SLF2: variants seen among roughly 807,000 people sequenced by gnomAD.
SLF2 encodes SMC5/6 complex localization factor 2, also known as SMC5-SMC6 complex localization factor protein 2.
SLF2 carries 68 observed loss-of-function variants against 124.3 expected under a neutral mutation model. That is an observed-to-expected ratio of 0.55 (90% CI 0.45 to 0.67). The LOEUF (loss-of-function observed/expected upper bound fraction) is 0.67. SLF2 is among the 30% of genes least tolerant of loss of function. The probability of loss-of-function intolerance (pLI) is 0.00; values close to 1 mark genes in which losing one functional copy is unlikely to be tolerated. For synonymous variants in SLF2, 480 were observed against 478.8 expected (o/e 1.00, Z -0.03); for missense variants, 1,246 against 1,373.7 (o/e 0.91, Z 1.47).
At chr10:100,930,916 A>G in intron 8 of SLF2, 60 bp from the exon 9 acceptor site, 2 of 1,239,496 alleles carry the variant, frequency 1.6e-6, no homozygotes, top group Non-Finnish European at 2.4e-6. Context: ...GTTGGTGGTG[A>G]TAGTAGAAGT....
intron 4 of SLF2, among the ~76,000 whole-genome samples, chr10:100,918,935 A>G (rs1442727475): frequency 1.3e-5 from 2 of 149,960 alleles, no homozygotes; most frequent in African/African-American, 4.9e-5. Flanking sequence ...AGTTCCTAAC[A>G]GTATGTTTCT....
In SLF2 at chr10:100,963,941, C is replaced by T. The variant is rs1038813700; in HGVS notation, c.*2029C>T. On this transcript the variant is annotated 3_prime_UTR_variant, in exon 20 of 20. Coordinates refer to ENST00000238961, the MANE Select transcript of SLF2 (RefSeq NM_018121.4). ...CTTTAGAAAAAAAATACTTCATGGT[C>T]CCTCTAAAATAAATGGCCAGACCTC... 6.6e-6 allele frequency: 1 copy of T among 152,478 alleles called. No homozygotes were observed. The highest frequency in any genetic ancestry group is 1.5e-5 in the Non-Finnish European group (1 of 67,992). 9.4% of individuals were successfully genotyped at this position (152,478 alleles called of 1,614,324 possible). A position where few individuals can be genotyped will look rare whatever the true frequency, so the allele number is the denominator to read the frequency against.
In SLF2 at chr10:100,912,969, G is replaced by A. The variant is rs531949246; in HGVS notation, c.-142G>A. The stretch of plus-strand genomic sequence containing the variant: ...TCCCGCTCACGCCGGAGTCACTTCC[G>A]AAGAGAGAACCGCCATGAAGAGAGA... On this transcript the variant is annotated 5_prime_UTR_variant, in exon 1 of 20. Transcript: ENST00000238961. 5 of 871,986 alleles carry A rather than the reference G, an allele frequency of 5.7e-6. No individual in the cohort carries two copies. Among genetic ancestry groups the A allele is most frequent in the South Asian group, 5.2e-5 (3 of 57,410 alleles). 54.0% of individuals were successfully genotyped at this position (871,986 alleles called of 1,614,324 possible).
chr10:100,960,399 G>A (rs1176076726), intron 19 of SLF2, among the ~76,000 whole-genome samples: 2 of 152,154 alleles, frequency 1.3e-5, no homozygotes, highest in Non-Finnish European at 2.9e-5. Flanking sequence ...GAATGTCTGA[G>A]GTTTCTAATT....
chr10:100,937,843 C>T lies in SLF2; in HGVS notation c.2512+366C>T, dbSNP rs190277710. 9.2e-5 allele frequency among the ~76,000 whole-genome samples: 14 copies of T among 152,288 alleles called. No individual in the cohort carries two copies. In the East Asian group the frequency reaches 1.9e-3, roughly 21 times the overall value. On this transcript the variant is annotated intron_variant, in intron 10 of 19. Coordinates refer to ENST00000238961, the MANE Select transcript of SLF2 (RefSeq NM_018121.4). The stretch of plus-strand genomic sequence containing the variant: ...CAGGCTGGTCTGGAACTCCTGAGCT[C>T]GGGCAATTTACCCATCTTGGCCTCC...
At chr10:100,950,272 T>A (rs1427835208) in intron 16 of SLF2, 65 bp downstream of exon 16, 1 of 1,494,226 alleles carries the variant, frequency 6.7e-7, no homozygotes, top group African/African-American at 1.4e-5. Context: ...TTACTAACCA[T>A]AGACTGATAT....
chr10:100,932,807 G>C (rs1380436079), intron 9 of SLF2, among the ~76,000 whole-genome samples: 2 of 152,140 alleles, frequency 1.3e-5, no homozygotes, highest in Non-Finnish European at 2.9e-5. Context: ...TAGATACAGA[G>C]AGTACCGGGG....
chr10:100,956,436 A>C lies in SLF2; in HGVS notation c.3331-15A>C. The C allele has an allele frequency of 6.3e-7, 1 of 1,581,668 alleles. No individual in the cohort carries two copies. Among genetic ancestry groups the C allele is most frequent in the Non-Finnish European group, 8.6e-7 (1 of 1,165,616 alleles). The stretch of plus-strand genomic sequence containing the variant: ...CTTCAGAATTGTTTTCATCCCTTGC[A>C]TTTGTTTTGCACAGAAACACTTTGT... On this transcript the variant is annotated splice_polypyrimidine_tract_variant and intron_variant, in intron 17 of 19. Coordinates refer to ENST00000238961, the MANE Select transcript of SLF2 (RefSeq NM_018121.4).
chr10:100,929,138 A>C (rs114787256), intron 6 of SLF2, among the ~76,000 whole-genome samples, 179 bp from the exon 7 acceptor site: 1 of 152,230 alleles, frequency 6.6e-6, no homozygotes, highest in South Asian at 2.1e-4. Flanking sequence ...ATCTGTTTTC[A>C]TGAAAATTGT....
intron 17 of SLF2, among the ~76,000 whole-genome samples, chr10:100,952,107 G>T (rs192614646): frequency 1.3e-5 from 2 of 152,074 alleles, no homozygotes; most frequent in East Asian, 1.9e-4. Flanking sequence ...AGCCGGGCGT[G>T]TTGGTGCGTG....
At chr10:100,959,985 A>G (rs566531442) in intron 19 of SLF2, among the ~76,000 whole-genome samples, 1 of 152,264 alleles carries the variant, frequency 6.6e-6, no homozygotes, top group African/African-American at 2.4e-5. Context: ...CTAGGCAAAC[A>G]CTAATCTACT....
chr10:100,943,306 G>T (rs867832241), intron 11 of SLF2, among the ~76,000 whole-genome samples: 6 of 152,132 alleles, frequency 3.9e-5, no homozygotes, highest in South Asian at 2.1e-4. Context: ...ATTCATATTT[G>T]TTTGTTTATA....
intron 18 of SLF2, among the ~76,000 whole-genome samples, chr10:100,957,330 ATTTT>A (rs71013477): frequency 0.014 from 1,253 of 89,746 alleles, 5 homozygotes; most frequent in African/African-American, 0.035. Flanking sequence ...GGAGTCTTCA[ATTTT>A]TTTTTTTTTT....
intron 18 of SLF2, among the ~76,000 whole-genome samples, chr10:100,957,509 C>T (rs1850355459): frequency 6.6e-6 from 1 of 151,412 alleles, no homozygotes; most frequent in African/African-American, 2.4e-5. Context: ...CGCTACCATG[C>T]CCGGCAAATT....
intron 6 of SLF2, chr10:100,926,278 C>G (rs567090217): frequency 6.7e-7 from 1 of 1,485,532 alleles, no homozygotes; most frequent in East Asian, 2.5e-5. Context: ...CACTTCACTG[C>G]AGCCTGGGTG....
chr10:100,925,953 A>C lies in SLF2; in HGVS notation c.1976A>C (p.His659Pro), dbSNP rs1278996637. Residue 659 changes from histidine to proline, a missense_variant, in exon 6 of 20, where the codon CAT becomes CCT. This residue lies in a region of SLF2 where 535 missense variants were observed against 632.8 expected (regional missense o/e 0.85). Transcript: ENST00000238961. The stretch of plus-strand genomic sequence containing the variant: ...TTCTAAATGTTCTTGTTTTAGGGAC[A>C]TGTTCATCCTGGAACTTACACAAAT... Reference protein sequence around the residue: ...LRSQSSDYTGHVHPGTYTNTL... With the variant: ...LRSQSSDYTGPVHPGTYTNTL... The C allele has an allele frequency of 6.3e-7, 1 of 1,589,082 alleles. No individual in the cohort carries two copies. The highest frequency in any genetic ancestry group is 8.6e-7 in the Non-Finnish European group (1 of 1,167,958).
Position 100,918,417 on chromosome 10 carries a change from T to G in SLF2, c.949T>G (p.Ser317Ala). The G allele has an allele frequency of 1.3e-6, 2 of 1,595,492 alleles. No individual in the cohort carries two copies. The highest frequency in any genetic ancestry group is 1.7e-6 in the Non-Finnish European group (2 of 1,172,296). Residue 317 changes from serine to alanine, a missense_variant, in exon 4 of 20, where the codon TCT (serine) becomes GCT (alanine). Around this residue, in one of 3 missense-constraint regions of SLF2, gnomAD observed 698 missense variants for 708.9 expected, o/e 0.98. Transcript: ENST00000238961. ...NGHLSRKRSS[S>A]DSWEPTSAGS... ...ACATCTCTCAAGAAAAAGATCCTCT[T>G]CTGATTCATGGGAACCTACTTCAGG... is the stretch of plus-strand genomic sequence containing the variant.
At chr10:100,944,295 A>G (rs561984504) in intron 12 of SLF2, among the ~76,000 whole-genome samples, 167 bp downstream of exon 12, 8 of 152,126 alleles carry the variant, frequency 5.3e-5, no homozygotes, top group East Asian at 1.9e-4. Flanking sequence ...GGAGATCGAG[A>G]CCATCCTGGC....
At chr10:100,928,034 C>A (rs1374180425) in intron 6 of SLF2, among the ~76,000 whole-genome samples, 3 of 24,908 alleles carry the variant, frequency 1.2e-4, no homozygotes, top group Non-Finnish European at 1.8e-4. Context: ...GATGAACACC[C>A]CCCCCCCCCC....
Sources: gnomAD v4.1 joint callset for allele counts (sites outside exome capture counted in the v4.1 genomes callset) on GRCh38, gnomAD v4.1.1 for gene constraint, gnomAD v4.1.1 regional missense constraint, MANE v1.5 for transcripts, NCBI Gene and HGNC (gene_info 2026-07-23, HGNC 2026-07-21) for gene names.